Variants in LARP1B observed in about 807,000 individuals in gnomAD.
The protein encoded by LARP1B is la-related protein 1B.
In LARP1B, 76 loss-of-function variants were observed where a neutral mutation model predicts 114.2. The ratio of observed to expected loss-of-function variants is 0.67; its 90% CI spans 0.55 to 0.81. LARP1B has a LOEUF of 0.81. Ranked by LOEUF, LARP1B falls within the 30% of genes least tolerant of loss-of-function variation. The pLI is 0.00. For missense variants in LARP1B, 1,014 were observed against 1,075.8 expected, an observed-to-expected ratio of 0.94 and a Z score of 0.80; for synonymous variants, 345 against 348.0, an observed-to-expected ratio of 0.99 and a Z score of 0.10.
intron 15 of LARP1B, among the ~76,000 whole-genome samples, chr4:128,191,290 T>C (rs1752186002): frequency 6.6e-6 from 1 of 152,198 alleles, no homozygotes; most frequent in Non-Finnish European, 1.5e-5. Context: ...GGGGATGTCA[T>C]AGTTCCGTGT....
chr4:128,079,789 T>C (rs1017377471), intron 4 of LARP1B, among the ~76,000 whole-genome samples: 2 of 151,972 alleles, frequency 1.3e-5, no homozygotes, highest in East Asian at 3.9e-4. Flanking sequence ...GGTCTTGAAC[T>C]CCTGGGCTCA....
intron 11 of LARP1B, among the ~76,000 whole-genome samples, chr4:128,157,266 G>A (rs1371918961): frequency 3.9e-5 from 6 of 152,130 alleles, no homozygotes; most frequent in African/African-American, 1.4e-4. Context: ...AGTAGATCAG[G>A]ACAGTGAAGA....
At chr4:128,201,743 G>A (rs1240752227) in intron 17 of LARP1B, among the ~76,000 whole-genome samples, 2 of 152,160 alleles carry the variant, frequency 1.3e-5, no homozygotes, top group African/African-American at 4.8e-5. Flanking sequence ...GGCTGAGTGA[G>A]GGCAGACAAA....
chr4:128,082,126 A>G, intron 4 of LARP1B, 39 bp from the exon 5 acceptor site: 1 of 1,593,320 alleles, frequency 6.3e-7, no homozygotes, highest in Non-Finnish European at 8.6e-7. Flanking sequence ...TTTAGTGAAA[A>G]TTGTACATTT....
intron 9 of LARP1B, among the ~76,000 whole-genome samples, chr4:128,113,885 C>T (rs777226476): frequency 1.4e-5 from 2 of 147,898 alleles, no homozygotes; most frequent in Non-Finnish European, 3.0e-5. Context: ...CTCCCAGGTT[C>T]AAGCGATTCT....
chr4:128,189,210 C>T (rs1030662143), intron 15 of LARP1B, among the ~76,000 whole-genome samples: 1 of 145,580 alleles, frequency 6.9e-6, no homozygotes, highest in Non-Finnish European at 1.5e-5. Context: ...TTGTTACAGC[C>T]TCTTGCTGAA....
chr4:128,076,873 G>A (rs1413997612), intron 3 of LARP1B, among the ~76,000 whole-genome samples: 4 of 151,988 alleles, frequency 2.6e-5, no homozygotes, highest in Admixed American at 6.6e-5. Flanking sequence ...CTATAGGCAT[G>A]CACCACCACG....
At chr4:128,221,522 A>G (rs1192067781) in intron 7 of LARP1B, among the ~76,000 whole-genome samples, 1 of 152,226 alleles carries the variant, frequency 6.6e-6, no homozygotes, top group African/African-American at 2.4e-5. Context: ...ATTAGCTTCA[A>G]TAAATTCTAG....
intron 5 of LARP1B, among the ~76,000 whole-genome samples, chr4:128,087,044 C>G (rs751001930): frequency 6.6e-6 from 1 of 152,040 alleles, no homozygotes; most frequent in Non-Finnish European, 1.5e-5. Context: ...CTCAGCCTCC[C>G]GAGTAGCTGG....
At chr4:128,107,676 G>A (rs961717240) in intron 9 of LARP1B, 2 of 1,432,822 alleles carry the variant, frequency 1.4e-6, no homozygotes, top group African/African-American at 2.9e-5. Flanking sequence ...ACTCAAGAGT[G>A]GGGTAGTCTT....
chr4:128,062,322 C>T (rs1176722272), intron 1 of LARP1B: 4 of 954,654 alleles, frequency 4.2e-6, no homozygotes, highest in Middle Eastern at 5.3e-4. Flanking sequence ...GCCCGGGTAA[C>T]GGCAGGCCTC....
At chr4:128,086,829 C>G (rs1773776540) in intron 5 of LARP1B, among the ~76,000 whole-genome samples, 1 of 151,900 alleles carries the variant, frequency 6.6e-6, no homozygotes, top group Admixed American at 6.6e-5. Flanking sequence ...GAGACAAAGC[C>G]TCACTCTGTC....
At chr4:128,214,464 G>T (rs1219878523), downstream of LARP1B, among the ~76,000 whole-genome samples, 1 of 151,752 alleles carries the variant, frequency 6.6e-6, no homozygotes, top group Non-Finnish European at 1.5e-5. Flanking sequence ...CTGAGAACTG[G>T]CAGACTGCCT....
chr4:128,171,359 C>A (rs1743629326), intron 12 of LARP1B, among the ~76,000 whole-genome samples: 1 of 152,146 alleles, frequency 6.6e-6, no homozygotes, highest in East Asian at 1.9e-4. Context: ...GTACTGCTGG[C>A]TGGCCTCAAG....
intron 1 of LARP1B, chr4:128,061,602 T>G: frequency 3.6e-5 from 30 of 828,242 alleles, no homozygotes; most frequent in East Asian, 1.3e-4. Flanking sequence ...CTGTCCCCAG[T>G]TGGAGCCGGC....
intron 11 of LARP1B, 41 bp downstream of exon 11, chr4:128,122,229 T>G (rs1580699591): frequency 6.2e-7 from 1 of 1,601,676 alleles, no homozygotes; most frequent in Non-Finnish European, 8.5e-7. Context: ...GATGCTTTGT[T>G]TTGATTGTAT....
intron 1 of LARP1B, chr4:128,069,142 C>T: frequency 9.1e-7 from 1 of 1,094,292 alleles, no homozygotes; most frequent in Non-Finnish European, 1.4e-6. Context: ...GATGGCAGCC[C>T]ATGCATCTTC....
chr4:128,156,034 C>T, intron 11 of LARP1B: 1 of 1,577,228 alleles, frequency 6.3e-7, no homozygotes, highest in Non-Finnish European at 8.6e-7. Context: ...TGCGGCACTG[C>T]ACACCCCCAA....
chr4:128,181,946 C>G (rs1332366056), intron 15 of LARP1B, among the ~76,000 whole-genome samples: 1 of 151,506 alleles, frequency 6.6e-6, no homozygotes, highest in African/African-American at 2.4e-5. Flanking sequence ...GCTGGGACTA[C>G]AGGTGCCCGC....
Sources: gnomAD v4.1 joint callset for allele counts (sites outside exome capture counted in the v4.1 genomes callset) on GRCh38, gnomAD v4.1.1 for gene constraint, MANE v1.5 for transcripts, NCBI Gene and HGNC (gene_info 2026-07-23, HGNC 2026-07-21) for gene names.